The following PRELID2 variants were observed in gnomAD, a reference collection of about 807,000 sequenced individuals.
PRELID2 encodes the protein PRELI domain-containing protein 2.
In PRELID2, 25 loss-of-function variants were observed where a neutral mutation model predicts 28.4. That is an observed-to-expected ratio of 0.88 (90% CI 0.64 to 1.23). The LOEUF is 1.23. Ranked by LOEUF, PRELID2 falls within the 50% of genes most tolerant of loss-of-function variation. PRELID2 has a pLI of 0.00. For synonymous variants in PRELID2, 76 were observed against 71.6 expected, an observed-to-expected ratio of 1.06 and a Z score of -0.31; for missense variants, 201 against 214.4, an observed-to-expected ratio of 0.94 and a Z score of 0.39.
the PRELID2 span, among the ~76,000 whole-genome samples, chr5:145,389,084 C>T: frequency 6.6e-6 from 1 of 152,122 alleles, no homozygotes; most frequent in Non-Finnish European, 1.5e-5. Context: ...TCCTGAATTA[C>T]ATTCTGCCTT....
At chr5:145,555,587 C>T (rs1752874086) in intron 1 of PRELID2, among the ~76,000 whole-genome samples, 1 of 152,150 alleles carries the variant, frequency 6.6e-6, no homozygotes. Flanking sequence ...TACAACTGGA[C>T]AGCTGACCAA....
chr5:145,426,103 C>G, the PRELID2 span, among the ~76,000 whole-genome samples: 9 of 152,288 alleles, frequency 5.9e-5, no homozygotes, highest in African/African-American at 1.9e-4. Flanking sequence ...AGTCAGGACC[C>G]TTCTGGCAGA....
intron 1 of PRELID2, among the ~76,000 whole-genome samples, chr5:145,582,466 A>G (rs1371563945): frequency 1.3e-5 from 2 of 151,966 alleles, no homozygotes; most frequent in African/African-American, 2.4e-5. Flanking sequence ...CCATGATTCA[A>G]TCACCTCCTA....
At chr5:145,739,715 C>A (rs116370158) in intron 1 of PRELID2, among the ~76,000 whole-genome samples, 1 of 151,586 alleles carries the variant, frequency 6.6e-6, no homozygotes, top group African/African-American at 2.4e-5. Flanking sequence ...GGTAGTAATG[C>A]AAAGGGAGGT....
intron 5 of PRELID2, 46 bp downstream of exon 5, chr5:145,796,396 A>C (rs376803978): frequency 7.7e-6 from 10 of 1,299,412 alleles, no homozygotes; most frequent in Non-Finnish European, 1.0e-5. Context: ...TGGAACTCCT[A>C]TTGTTTTTTA....
chr5:145,456,943 C>G, the PRELID2 span, among the ~76,000 whole-genome samples: 1 of 151,940 alleles, frequency 6.6e-6, no homozygotes, highest in Admixed American at 6.6e-5. Context: ...TGATAAAGGG[C>G]AAGAAAACAA....
chr5:145,389,753 C>A, the PRELID2 span, among the ~76,000 whole-genome samples: 1 of 152,100 alleles, frequency 6.6e-6, no homozygotes, highest in Non-Finnish European at 1.5e-5. Flanking sequence ...CTCACTTTGT[C>A]TCTGAAATTT....
intron 1 of PRELID2, among the ~76,000 whole-genome samples, chr5:145,607,219 T>C (rs1177543509): frequency 2.0e-5 from 3 of 152,088 alleles, no homozygotes; most frequent in South Asian, 2.1e-4. Context: ...ATCTTTTGTA[T>C]GATTTTTGTG....
intron 5 of PRELID2, among the ~76,000 whole-genome samples, chr5:145,774,151 T>C (rs1195890586): frequency 6.6e-6 from 1 of 152,214 alleles, no homozygotes; most frequent in Non-Finnish European, 1.5e-5. Flanking sequence ...TGCTGACACT[T>C]TACTTACATT....
chr5:145,496,929 C>T (rs1744060533), intron 1 of PRELID2, among the ~76,000 whole-genome samples: 1 of 152,136 alleles, frequency 6.6e-6, no homozygotes, highest in Admixed American at 6.5e-5. Flanking sequence ...GTGGCATGAC[C>T]ATGGCTCACT....
chr5:145,450,986 C>G, the PRELID2 span: 1 of 152,186 alleles, frequency 6.6e-6, no homozygotes, highest in Non-Finnish European at 1.5e-5. Context: ...AGTCACTTGA[C>G]TTGGCCAAGA....
chr5:145,288,429 T>C, the PRELID2 span, among the ~76,000 whole-genome samples: 1 of 152,156 alleles, frequency 6.6e-6, no homozygotes, highest in Non-Finnish European at 1.5e-5. Context: ...CCCCCATCAC[T>C]GTATTTTACT....
chr5:145,563,865 C>T (rs1752943686), intron 1 of PRELID2, among the ~76,000 whole-genome samples: 1 of 152,050 alleles, frequency 6.6e-6, no homozygotes. Flanking sequence ...AGCATGAGTG[C>T]TACAGTTAAT....
chr5:145,269,258 C>G, the PRELID2 span, among the ~76,000 whole-genome samples: 1 of 151,984 alleles, frequency 6.6e-6, no homozygotes, highest in South Asian at 2.1e-4. Flanking sequence ...TACTGCAAAA[C>G]TACAATTAGT....
intron 1 of PRELID2, among the ~76,000 whole-genome samples, chr5:145,544,280 A>G (rs1752768204): frequency 6.6e-6 from 1 of 152,118 alleles, no homozygotes; most frequent in Admixed American, 6.6e-5. Context: ...TCATAATTCT[A>G]TCATAATGTA....
the PRELID2 span, among the ~76,000 whole-genome samples, chr5:145,392,024 C>T: frequency 6.6e-6 from 1 of 152,238 alleles, no homozygotes; most frequent in African/African-American, 2.4e-5. Flanking sequence ...CCACATTTTC[C>T]TGTCTTCTTC....
rs980653773 is a variant in PRELID2, at chr5:145,817,878, T to C, written c.368+16A>G. On this transcript the variant is annotated intron_variant, in intron 4 of 6. Coordinates refer to ENST00000683046, the MANE Select transcript of PRELID2 (RefSeq NM_205846.3). ...CCTGCAACCAAAACACACACACATATACACACGAGTCTTACCAATTTGGGT... is the reference window on the plus strand; with the variant it reads ...CCTGCAACCAAAACACACACACATACACACACGAGTCTTACCAATTTGGGT... The C allele has an allele frequency of 2.0e-6, 3 of 1,532,070 alleles. No homozygotes were observed. The highest frequency in any genetic ancestry group is 2.8e-5 in the African/African-American group (2 of 71,870). The allele number at this position is 1,532,070 out of a possible 1,614,324, so 94.9% of individuals were successfully genotyped here. A position where few individuals can be genotyped will look rare whatever the true frequency, so the allele number is the denominator to read the frequency against.
At chr5:145,295,125 C>T in the PRELID2 span, among the ~76,000 whole-genome samples, 3 of 152,038 alleles carry the variant, frequency 2.0e-5, no homozygotes, top group South Asian at 2.1e-4. Context: ...AATGTGGAAA[C>T]ATTTATGATG....
chr5:145,792,874 G>A (rs912284918), intron 5 of PRELID2, among the ~76,000 whole-genome samples: 8 of 152,194 alleles, frequency 5.3e-5, no homozygotes, highest in Admixed American at 5.2e-4. Context: ...GTTTTCACAT[G>A]TACCTGTGGG....
Sources: allele counts gnomAD v4.1 joint callset (sites outside exome capture counted in the v4.1 genomes callset), GRCh38; gene constraint gnomAD v4.1.1; transcripts MANE v1.5; gene names NCBI Gene and HGNC (gene_info 2026-07-23, HGNC 2026-07-21).